Variants in JAM3 observed in about 807,000 individuals in gnomAD.
JAM3 encodes junctional adhesion molecule C.
Under a neutral mutation model 39.4 loss-of-function variants are expected in JAM3, and 31 were observed. The observed-to-expected ratio is 0.79, with a 90% CI of 0.59 to 1.06. The LOEUF is 1.06. Among genes scored for constraint, JAM3 ranks in the 50% least tolerant of loss-of-function variants. The probability of loss-of-function intolerance (pLI) is 0.00; values close to 1 mark genes in which losing one functional copy is unlikely to be tolerated. For missense variants in JAM3, 455 were observed against 391.4 expected (o/e 1.16, Z -1.37); for synonymous variants, 182 against 148.7 (o/e 1.22, Z -1.63).
intron 1 of JAM3, among the ~76,000 whole-genome samples, chr11:134,112,639 A>T (rs1942338908): frequency 2.6e-5 from 4 of 152,172 alleles, no homozygotes; most frequent in Admixed American, 2.6e-4. Flanking sequence ...TCCTCCCAAC[A>T]ATCCTATGAG....
At chr11:134,091,127 G>A (rs1055901408) in intron 1 of JAM3, among the ~76,000 whole-genome samples, 2 of 152,148 alleles carry the variant, frequency 1.3e-5, no homozygotes, top group Admixed American at 6.5e-5. Context: ...GATTGGCTTA[G>A]AACTGAACCA....
chr11:134,111,133 CTTT>C (rs71038561), intron 1 of JAM3, among the ~76,000 whole-genome samples: 6 of 86,774 alleles, frequency 6.9e-5, no homozygotes, highest in Admixed American at 1.3e-4. Flanking sequence ...ACACATCCAT[CTTT>C]TTTTTTTTTT....
At chr11:134,072,808 G>A (rs1266097648) in intron 1 of JAM3, among the ~76,000 whole-genome samples, 1 of 152,172 alleles carries the variant, frequency 6.6e-6, no homozygotes, top group Non-Finnish European at 1.5e-5. Context: ...TACTCTGGAG[G>A]CTGAGGCAGG....
At chr11:134,088,515 A>G (rs556081407) in intron 1 of JAM3, among the ~76,000 whole-genome samples, 20 of 152,328 alleles carry the variant, frequency 1.3e-4, no homozygotes, top group African/African-American at 4.8e-4. Context: ...AACGGAATAC[A>G]AAATCTATTT....
intron 1 of JAM3, among the ~76,000 whole-genome samples, chr11:134,077,931 C>T (rs1395884833): frequency 2.0e-5 from 3 of 151,842 alleles, no homozygotes; most frequent in Non-Finnish European, 4.4e-5. Flanking sequence ...AGATTACAGG[C>T]GTGAGGCACC....
chr11:134,139,650 T>C (rs527465970), intron 1 of JAM3: 107 of 606,490 alleles, frequency 1.8e-4, no homozygotes, highest in African/African-American at 1.7e-3. Context: ...TCTCTTTCCC[T>C]TGGCTCCTTC....
intron 1 of JAM3, among the ~76,000 whole-genome samples, chr11:134,123,482 A>G (rs946306860): frequency 2.0e-5 from 3 of 152,212 alleles, no homozygotes; most frequent in Admixed American, 6.5e-5. Flanking sequence ...GCACAGGCTA[A>G]TGTTCTGCTG....
Position 134,148,593 on chromosome 11 carries a change from T to C in JAM3, c.759T>C (p.Leu253=). Residue 253 remains leucine (L), a synonymous_variant, in exon 7 of 9, where the codon CTT becomes CTC. Coordinates refer to ENST00000299106, the MANE Select transcript of JAM3 (RefSeq NM_032801.5). ...TTATTGGGGGGGTTCTGGTTGTCCT[T>C]GCTGTACTGGCCCTGATCACGTTGG... ...GGIIGGVLVV[L]AVLALITLGI... 6.2e-7 allele frequency: 1 copy of C among 1,614,174 alleles called. No individual in the cohort carries two copies. Among genetic ancestry groups the C allele is most frequent in the South Asian group, 1.1e-5 (1 of 91,076 alleles).
At chr11:134,114,083 C>G (rs1328174614) in intron 1 of JAM3, among the ~76,000 whole-genome samples, 2 of 152,048 alleles carry the variant, frequency 1.3e-5, no homozygotes, top group African/African-American at 4.8e-5. Flanking sequence ...ATTGTAGATT[C>G]TGGATATTAG....
intron 1 of JAM3, among the ~76,000 whole-genome samples, chr11:134,085,961 GTTTC>G (rs1013004660): frequency 2.0e-5 from 3 of 152,130 alleles, no homozygotes; most frequent in South Asian, 2.1e-4. Context: ...GAGTTTGTAT[GTTTC>G]TTTATCTTTA....
intron 6 of JAM3, among the ~76,000 whole-genome samples, chr11:134,147,512 A>C (rs1222915081): frequency 1.4e-5 from 2 of 142,562 alleles, no homozygotes; most frequent in Non-Finnish European, 3.0e-5. Context: ...TTTGAGATGG[A>C]GTCTCGCTCT....
chr11:134,148,182 T>G, intron 6 of JAM3: 1 of 270,100 alleles, frequency 3.7e-6, no homozygotes, highest in South Asian at 5.1e-5. Flanking sequence ...TAGGGATTCT[T>G]TTCTTCTTGG....
chr11:134,089,573 C>T (rs111609952), intron 1 of JAM3, among the ~76,000 whole-genome samples: 11,718 of 152,058 alleles, frequency 0.077, 643 homozygotes, highest in Non-Finnish European at 0.12. Context: ...GTTTTTTGTC[C>T]TTGTGATAGT....
chr11:134,146,018 A>C lies in JAM3; in HGVS notation c.685A>C (p.Arg229=). ...TGCTTCCAATGACGCAGGCTCAGCC[A>C]GGTGTGAGGAGCAGGAGATGGAAGT... ...CIASNDAGSA[R]CEEQEMEVYD... The change falls in exon 6 of 9, where the codon AGG becomes CGG. Residue 229 remains arginine (R), a synonymous_variant. Coordinates refer to ENST00000299106, the MANE Select transcript of JAM3 (RefSeq NM_032801.5). 6.2e-7 allele frequency: 1 copy of C among 1,613,984 alleles called. No individual in the cohort carries two copies. Among genetic ancestry groups the C allele is most frequent in the Non-Finnish European group, 8.5e-7 (1 of 1,179,800 alleles).
intron 1 of JAM3, among the ~76,000 whole-genome samples, chr11:134,126,171 G>T (rs1443828259): frequency 1.3e-5 from 2 of 152,258 alleles, no homozygotes; most frequent in East Asian, 3.9e-4. Context: ...TGTCCATAAA[G>T]GTAGAATGCT....
At position 134,144,772 on chromosome 11, in the gene JAM3, C is replaced by A; in HGVS notation, c.410-20C>A. 1.3e-6 allele frequency: 2 copies of A among 1,565,416 alleles called. No individual in the cohort carries two copies. The highest frequency in any genetic ancestry group is 1.7e-6 in the Non-Finnish European group (2 of 1,163,250). On this transcript the variant is annotated intron_variant, in intron 4 of 8. Coordinates refer to ENST00000299106, the MANE Select transcript of JAM3 (RefSeq NM_032801.5). Reference sequence around the variant, plus strand: ...AGCCCTGTCACTGAGATCTTAAACACCACCCCTTTTTCCCCACAGTGAAGC... The same window carrying A: ...AGCCCTGTCACTGAGATCTTAAACAACACCCCTTTTTCCCCACAGTGAAGC...
At chr11:134,073,885 T>C (rs942973423) in intron 1 of JAM3, among the ~76,000 whole-genome samples, 5 of 152,172 alleles carry the variant, frequency 3.3e-5, no homozygotes, top group African/African-American at 1.2e-4. Flanking sequence ...CGAGGCATTT[T>C]TAAAAAAATG....
At chr11:134,112,102 A>G (rs1467992344) in intron 1 of JAM3, among the ~76,000 whole-genome samples, 2 of 152,202 alleles carry the variant, frequency 1.3e-5, no homozygotes, top group African/African-American at 2.4e-5. Flanking sequence ...TTATTTATTT[A>G]TTGAGACAGA....
At chr11:134,113,931 G>C (rs948242439) in intron 1 of JAM3, among the ~76,000 whole-genome samples, 1 of 152,178 alleles carries the variant, frequency 6.6e-6, no homozygotes, top group South Asian at 2.1e-4. Context: ...ATGTGCATTT[G>C]TCTGATGGCC....
Sources: gnomAD v4.1 joint callset for allele counts (sites outside exome capture counted in the v4.1 genomes callset) on GRCh38, gnomAD v4.1.1 for gene constraint, MANE v1.5 for transcripts, NCBI Gene and HGNC (gene_info 2026-07-23, HGNC 2026-07-21) for gene names.